The following LRRFIP1 variants were observed in gnomAD, a reference collection of about 807,000 sequenced individuals.
LRRFIP1 encodes the protein LRR binding FLII interacting protein 1, also known as leucine-rich repeat flightless-interacting protein 1.
A neutral mutation model predicts 104.4 loss-of-function variants in LRRFIP1; 62 were observed. The observed-to-expected ratio is 0.59, with a 90% confidence interval of 0.48 to 0.73. LRRFIP1 has a LOEUF of 0.73. Among genes scored for constraint, LRRFIP1 ranks in the 30% least tolerant of loss-of-function variants. The probability of loss-of-function intolerance (pLI) is 0.00; values close to 1 mark genes in which losing one functional copy is unlikely to be tolerated. For missense variants in LRRFIP1, 796 were observed against 824.5 expected, an observed-to-expected ratio of 0.97 and a Z score of 0.42; for synonymous variants, 300 against 299.0, an observed-to-expected ratio of 1.00 and a Z score of -0.03.
chr2:237,737,763 G>A (rs1209192641), intron 10 of LRRFIP1, among the ~76,000 whole-genome samples: 1 of 152,204 alleles, frequency 6.6e-6, no homozygotes, highest in Non-Finnish European at 1.5e-5. Flanking sequence ...TAATACTGGT[G>A]ATTTTCTTGT....
Position 237,772,931 on chromosome 2 carries a change from G to A in LRRFIP1, c.1693G>A (p.Ala565Thr). Residue 565 changes from alanine (A) to threonine (T), a missense_variant, in exon 22 of 24, where the codon GCA (alanine) becomes ACA (threonine). Physicochemically the swap from Ala to Thr is moderately conservative, Grantham distance 58. Coordinates refer to ENST00000308482, the MANE Select transcript of LRRFIP1 (RefSeq NM_001137550.2). ...KLAKSEQEIT[A>T]LEQNVIRLES... ...TGCAAAATCTGAGCAAGAGATAACT[G>A]CATTAGAACAAAATGTACGTGTAAG... is the stretch of plus-strand genomic sequence containing the variant. The A allele has an allele frequency of 6.2e-7, 1 of 1,613,164 alleles. No homozygotes were observed. Among genetic ancestry groups the A allele is most frequent in the South Asian group, 1.1e-5 (1 of 91,054 alleles).
At chr2:237,712,040 G>A (rs559060342) in intron 2 of LRRFIP1, among the ~76,000 whole-genome samples, 4 of 152,184 alleles carry the variant, frequency 2.6e-5, no homozygotes, top group African/African-American at 7.2e-5. Context: ...TGTGTATTTC[G>A]TGACTAGTCA....
At chr2:237,724,850 G>A (rs1306289825) in intron 7 of LRRFIP1, among the ~76,000 whole-genome samples, 2 of 151,988 alleles carry the variant, frequency 1.3e-5, no homozygotes, top group African/African-American at 4.8e-5. Context: ...TCAATAGAAT[G>A]CATCAGGGAT....
rs2059545732 is a variant in LRRFIP1, at chr2:237,758,625, C to G, written c.1225-104C>G. On this transcript the variant is annotated intron_variant, in intron 17 of 23. Coordinates refer to ENST00000308482, the MANE Select transcript of LRRFIP1 (RefSeq NM_001137550.2). ...GAGTCTCTTTAATGTCTAGAGTCCA[C>G]TAGTGTTTTAGATGGTAGAAGCCTC... The G allele has an allele frequency of 2.3e-5, 17 of 725,356 alleles. No homozygotes were observed. The South Asian group carries it at 2.5e-4, about 11-fold the overall frequency. The allele number at this position is 725,356 out of a possible 1,614,324, so 44.9% of individuals were successfully genotyped here. A position where few individuals can be genotyped will look rare whatever the true frequency, so the allele number is the denominator to read the frequency against.
At chr2:237,712,846 C>T (rs1013104643) in intron 2 of LRRFIP1, among the ~76,000 whole-genome samples, 3 of 152,208 alleles carry the variant, frequency 2.0e-5, no homozygotes, top group Non-Finnish European at 2.9e-5. Context: ...ATTATTAGAA[C>T]CAGCTAACAT....
intron 1 of LRRFIP1, among the ~76,000 whole-genome samples, chr2:237,668,593 C>T (rs1253413586): frequency 2.0e-5 from 3 of 152,132 alleles, no homozygotes; most frequent in South Asian, 4.1e-4. Context: ...TACTGAAGAG[C>T]GTTTCCCATC....
At chr2:237,768,140 T>C (rs141932958) in intron 19 of LRRFIP1, 6 of 152,332 alleles carry the variant, frequency 3.9e-5, no homozygotes, top group Non-Finnish European at 8.8e-5. Flanking sequence ...CTACGAAAAC[T>C]AGTACTCTTT....
intron 1 of LRRFIP1, chr2:237,692,221 C>A (rs1465220774): frequency 9.2e-6 from 10 of 1,092,614 alleles, no homozygotes; most frequent in Non-Finnish European, 1.1e-5. Flanking sequence ...CCACCCCGAG[C>A]CCGACTCAGC....
At chr2:237,752,256 A>G (rs2058714492) in intron 14 of LRRFIP1, among the ~76,000 whole-genome samples, 1 of 152,176 alleles carries the variant, frequency 6.6e-6, no homozygotes, top group Non-Finnish European at 1.5e-5. Flanking sequence ...AAATATAAAA[A>G]TTAGCCAGGT....
intron 1 of LRRFIP1, among the ~76,000 whole-genome samples, chr2:237,637,092 C>T (rs1386218517): frequency 1.3e-5 from 2 of 152,164 alleles, no homozygotes; most frequent in Non-Finnish European, 2.9e-5. Context: ...TATTCTTTTA[C>T]TGAGAGCGAA....
chr2:237,743,827 C>T (rs949068013), intron 11 of LRRFIP1, among the ~76,000 whole-genome samples: 1 of 152,120 alleles, frequency 6.6e-6, no homozygotes, highest in African/African-American at 2.4e-5. Flanking sequence ...GCTTGGGCCA[C>T]ACCCAAGCAG....
intron 1 of LRRFIP1, among the ~76,000 whole-genome samples, chr2:237,679,939 A>G (rs943437842): frequency 1.3e-5 from 2 of 152,174 alleles, no homozygotes; most frequent in African/African-American, 4.8e-5. Context: ...AAATGATAAA[A>G]TCCCACTCAA....
In LRRFIP1 at chr2:237,719,515, A is replaced by C; in HGVS notation, c.250-8A>C. 2 of 1,612,084 alleles carry C rather than the reference A, an allele frequency of 1.2e-6. No individual in the cohort carries two copies. Among genetic ancestry groups the C allele is most frequent in the Non-Finnish European group, 1.7e-6 (2 of 1,178,442 alleles). ...TCTAACCTTTTCATGCTGTTTCTTCATTGTTAGGAAGACAGTGAGCGCTAC... is the reference window on the plus strand; with the variant it reads ...TCTAACCTTTTCATGCTGTTTCTTCCTTGTTAGGAAGACAGTGAGCGCTAC... On this transcript the variant is annotated splice_polypyrimidine_tract_variant and splice_region_variant and intron_variant, in intron 4 of 23. Transcript: ENST00000308482.
chr2:237,630,797 G>T (rs1177168192), intron 1 of LRRFIP1, among the ~76,000 whole-genome samples: 1 of 152,242 alleles, frequency 6.6e-6, no homozygotes, highest in Non-Finnish European at 1.5e-5. Flanking sequence ...AGCTGGTTGG[G>T]CTGGGCCATC....
intron 1 of LRRFIP1, among the ~76,000 whole-genome samples, chr2:237,634,746 A>G (rs1321461146): frequency 1.3e-5 from 2 of 152,208 alleles, no homozygotes; most frequent in South Asian, 2.1e-4. Context: ...TGCTTCTTCT[A>G]GAGTTAATGA....
At chr2:237,675,543 C>T (rs890202344) in intron 1 of LRRFIP1, among the ~76,000 whole-genome samples, 1 of 152,162 alleles carries the variant, frequency 6.6e-6, no homozygotes, top group Non-Finnish European at 1.5e-5. Context: ...TGATTAATTG[C>T]CGTTTCCTGG....
chr2:237,723,785 C>T (rs560509637), intron 7 of LRRFIP1, among the ~76,000 whole-genome samples, 199 bp downstream of exon 7: 4 of 152,194 alleles, frequency 2.6e-5, no homozygotes, highest in African/African-American at 4.8e-5. Context: ...CTGATCCTGC[C>T]GGAGGGGAGG....
intron 1 of LRRFIP1, among the ~76,000 whole-genome samples, chr2:237,696,881 G>C (rs2093222874): frequency 6.6e-6 from 1 of 152,216 alleles, no homozygotes. Context: ...GGGGCTGAAG[G>C]ATTTCTTTTT....
rs182744484 is a variant in LRRFIP1, at chr2:237,704,395, C to T, written c.97-4149C>T. ...TCTCAATCTCCCGACCTCAGGTGATCCGCCCACCTCAGTCCCCCAAAGTGC... is the reference window on the plus strand; with the variant it reads ...TCTCAATCTCCCGACCTCAGGTGATTCGCCCACCTCAGTCCCCCAAAGTGC... On this transcript the variant is annotated intron_variant, in intron 1 of 23. Transcript: ENST00000308482. Among the ~76,000 whole-genome samples, 4 of 152,196 alleles carry T rather than the reference C, an allele frequency of 2.6e-5. No individual in the cohort carries two copies. The East Asian group carries it at 7.7e-4, about 29-fold the overall frequency.
Sources: gnomAD v4.1 joint callset for allele counts (sites outside exome capture counted in the v4.1 genomes callset) on GRCh38, gnomAD v4.1.1 for gene constraint, MANE v1.5 for transcripts, NCBI Gene and HGNC (gene_info 2026-07-23, HGNC 2026-07-21) for gene names.